The following ZNF318 variants were observed in gnomAD, a reference collection of about 807,000 sequenced individuals.
ZNF318 encodes endocrine regulator.
A neutral mutation model predicts 124.2 loss-of-function variants in ZNF318; 51 were observed. That is an observed-to-expected ratio of 0.41 (90% confidence interval 0.33 to 0.52). The LOEUF is 0.52. ZNF318 is among the 20% of genes least tolerant of loss of function. The probability of loss-of-function intolerance (pLI) is 0.23; values close to 1 mark genes in which losing one functional copy is unlikely to be tolerated. For missense variants in ZNF318, 2,815 were observed against 2,811.2 expected (o/e 1.00, Z -0.03); for synonymous variants, 1,090 against 1,040.7 (o/e 1.05, Z -0.91).
Position 43,337,568 on chromosome 6 carries a change from G to A in ZNF318, c.6430C>T (p.Gln2144Ter). 6.2e-7 allele frequency: 1 copy of A among 1,614,048 alleles called. No individual in the cohort carries two copies. The highest frequency in any genetic ancestry group is 1.1e-5 in the South Asian group (1 of 91,078). The change falls in exon 10 of 10, where the codon CAA (glutamine) becomes TAA (stop). Residue 2144 changes from glutamine (Q) to a stop codon, truncating the protein, a stop_gained. Coordinates refer to ENST00000361428, the MANE Select transcript of ZNF318 (RefSeq NM_014345.3). LOFTEE classifies it low-confidence loss of function (END_TRUNC). ...MMPEEVKESS[Q>*]LDKQESLGLE... ...CCGAGTGACTCTTGTTTGTCTAATT[G>A]GGAAGATTCTTTTACTTCCTCAGGC...
At chr6:43,349,898 A>G (rs931721504) in intron 5 of ZNF318, among the ~76,000 whole-genome samples, 13 of 151,972 alleles carry the variant, frequency 8.6e-5, no homozygotes, top group African/African-American at 3.1e-4. Flanking sequence ...ACAGTGAGCT[A>G]TGACAGCACC....
rs764837650 is a variant in ZNF318 at position 43,338,485 on chromosome 6, G to C, written c.5513C>G (p.Ser1838Cys). 4.3e-6 allele frequency: 7 copies of C among 1,614,090 alleles called. No individual in the cohort carries two copies. Among genetic ancestry groups the C allele is most frequent in the Non-Finnish European group, 5.9e-6 (7 of 1,180,010 alleles). Residue 1838 changes from serine to cysteine, a missense_variant, in exon 10 of 10, where the codon TCC (serine) becomes TGC (cysteine). By Grantham distance (112) the Ser-to-Cys change is moderately radical. Transcript: ENST00000361428. ...TTCACTTCCTGTCATCAATTTATTG[G>C]ACTGTTCAGCCTCTTTGTCAATCAT... The part of the protein sequence containing the change: ...LLMIDKEAEQ[S>C]NKLMTGSETP...
intron 2 of ZNF318, chr6:43,364,031 C>T: frequency 1.2e-6 from 1 of 803,032 alleles, no homozygotes; most frequent in Non-Finnish European, 2.1e-6. Flanking sequence ...GGCATCGTCT[C>T]AGCCCGTGCC....
chr6:43,357,849 G>A lies in ZNF318; in HGVS notation c.549-84C>T. On this transcript the variant is annotated intron_variant, in intron 2 of 9. Coordinates refer to ENST00000361428, the MANE Select transcript of ZNF318 (RefSeq NM_014345.3). ...AGGCTAAGAGACTGGTGTTTGTCAAGGGGGCTATAAAATGCTTAGGGCAAA... is the reference window on the plus strand; with the variant it reads ...AGGCTAAGAGACTGGTGTTTGTCAAAGGGGCTATAAAATGCTTAGGGCAAA... 1.5e-6 allele frequency: 2 copies of A among 1,298,172 alleles called. 1 individual carries two copies. The highest frequency in any genetic ancestry group is 2.1e-6 in the Non-Finnish European group (2 of 947,482). The allele number at this position is 1,298,172 out of a possible 1,614,324, so 80.4% of individuals were successfully genotyped here.
At position 43,340,258 on chromosome 6, in the gene ZNF318, G is replaced by C. The variant is rs1461905231; in HGVS notation, c.3740C>G (p.Ala1247Gly). The change falls in exon 10 of 10, where the codon GCT (alanine) becomes GGT (glycine). Residue 1247 changes from alanine (A) to glycine (G), a missense_variant. Physicochemically the swap from Ala to Gly is moderately conservative, Grantham distance 60. This residue lies in a region of ZNF318 where 500 missense variants were observed against 605.2 expected (regional missense o/e 0.83). Transcript: ENST00000361428. ...GATGCCAGTGTTCCTTTTATTTTCA[G>C]CTTTTTCAGGGGAGTTCCTACCCTC... The part of the protein sequence containing the change: ...LSEGRNSPEK[A>G]ENKRNTGIKL... The C allele has an allele frequency of 1.2e-6, 2 of 1,613,754 alleles. No individual in the cohort carries two copies. The highest frequency in any genetic ancestry group is 3.3e-5 in the Admixed American group (2 of 59,968).
chr6:43,361,222 CA>C (rs1184403425), intron 2 of ZNF318, among the ~76,000 whole-genome samples: 1 of 152,046 alleles, frequency 6.6e-6, no homozygotes, highest in Admixed American at 6.5e-5. Flanking sequence ...TAAAGAAAAT[CA>C]GAGGGAAAAA....
chr6:43,362,385 G>C (rs1035421136), intron 2 of ZNF318, among the ~76,000 whole-genome samples: 1 of 151,572 alleles, frequency 6.6e-6, no homozygotes, highest in Non-Finnish European at 1.5e-5. Flanking sequence ...CCTGGGAGGC[G>C]GAGGTTGCAG....
At position 43,337,844 on chromosome 6, in the gene ZNF318, T is replaced by C. The variant is rs752380402; in HGVS notation, c.6154A>G (p.Ile2052Val). The part of the protein sequence containing the change: ...KVCEENSVSP[I>V]GCNSSDPADF... The stretch of plus-strand genomic sequence containing the variant: ...GCGGGATCGGAGGAATTACACCCTA[T>C]AGGTGATACAGAATTTTCTTCACAC... The change falls in exon 10 of 10, where the codon ATA (isoleucine) becomes GTA (valine). Residue 2052 changes from isoleucine (I) to valine (V), a missense_variant. Ile to Val is a conservative substitution (Grantham distance 29). Around this residue, in one of 4 missense-constraint regions of ZNF318, gnomAD observed 927 missense variants for 820.6 expected, o/e 1.13. Transcript: ENST00000361428. 45 of 1,614,058 alleles carry C rather than the reference T, an allele frequency of 2.8e-5. No individual in the cohort carries two copies. The highest frequency in any genetic ancestry group is 3.4e-5 in the Non-Finnish European group (40 of 1,180,046).
In ZNF318 at chr6:43,369,020, C is replaced by A. The variant is rs1285484206; in HGVS notation, c.346G>T (p.Ala116Ser). Residue 116 changes from alanine to serine, a missense_variant, in exon 1 of 10, where the codon GCC becomes TCC. This residue lies in a region of ZNF318 where 1,377 missense variants were observed against 1,353.5 expected (regional missense o/e 1.02). Transcript: ENST00000361428. ...CCGCGGCCGTCCCGGGCATAGTCGG[C>A]GCGGGACTCCCCCCGGCTGCTGCCT... is the stretch of plus-strand genomic sequence containing the variant. ...FRGSSRGESRADYARDGRGDH... is the reference protein window; with the variant it reads ...FRGSSRGESRSDYARDGRGDH... 10 of 1,433,938 alleles carry A rather than the reference C, an allele frequency of 7.0e-6. No individual in the cohort carries two copies. The highest frequency in any genetic ancestry group is 9.2e-6 in the Non-Finnish European group (10 of 1,091,880). 88.8% of individuals were successfully genotyped at this position (1,433,938 alleles called of 1,614,324 possible).
Position 43,338,689 on chromosome 6 carries a change from C to T in ZNF318, c.5309G>A (p.Cys1770Tyr). ...GTTTGTCTCTATCTCACTTTCTCTA[C>T]AATCCTCAGATTTACGGAGCTCTTG... ...ESQELRKSED[C>Y]RESEIETNTE... is the part of the protein sequence containing the mutation. The change falls in exon 10 of 10, where the codon TGT (cysteine) becomes TAT (tyrosine). Residue 1770 changes from cysteine to tyrosine, a missense_variant. Transcript: ENST00000361428. 2 of 1,614,202 alleles carry T rather than the reference C, an allele frequency of 1.2e-6. No homozygotes were observed. The highest frequency in any genetic ancestry group is 1.1e-5 in the South Asian group (1 of 91,082).
intron 7 of ZNF318, among the ~76,000 whole-genome samples, chr6:43,342,443 T>G (rs1459398292): frequency 6.7e-6 from 1 of 149,358 alleles, no homozygotes; most frequent in Admixed American, 6.8e-5. Flanking sequence ...ACTCAAGGAA[T>G]CAAAAGAGGC....
At chr6:43,366,304 G>A (rs1194403359) in intron 1 of ZNF318, among the ~76,000 whole-genome samples, 2 of 152,278 alleles carry the variant, frequency 1.3e-5, no homozygotes, top group Non-Finnish European at 2.9e-5. Flanking sequence ...AAGAGGAAAA[G>A]ATAGGCAGAA....
chr6:43,356,876 A>G (rs1351061692), intron 3 of ZNF318, among the ~76,000 whole-genome samples: 2 of 152,172 alleles, frequency 1.3e-5, no homozygotes, highest in Non-Finnish European at 2.9e-5. Context: ...CAATTTAAGT[A>G]AAAAAACTTA....
At chr6:43,347,403 C>T (rs1046059302) in intron 6 of ZNF318, among the ~76,000 whole-genome samples, 5 of 152,098 alleles carry the variant, frequency 3.3e-5, no homozygotes, top group African/African-American at 1.2e-4. Flanking sequence ...TGATAAGGTG[C>T]ATGGAATCGA....
In ZNF318 at chr6:43,337,006, ATTTTT is replaced by A. The variant is rs980613235; in HGVS notation, c.*147_*151del. 1.6e-6 allele frequency: 1 copy of A among 627,632 alleles called. No homozygotes were observed. The highest frequency in any genetic ancestry group is 2.4e-6 in the Non-Finnish European group (1 of 414,998). The allele number at this position is 627,632 out of a possible 1,614,324, so 38.9% of individuals were successfully genotyped here. On this transcript the variant is annotated 3_prime_UTR_variant, in exon 10 of 10. Coordinates refer to ENST00000361428, the MANE Select transcript of ZNF318 (RefSeq NM_014345.3). ...GGAAAGGGAAAAGGAAAGGAGGTAA[ATTTTT>A]TAGCTTCCATGAACATTTACTTTAA...
rs1166865363 is a variant in ZNF318, at chr6:43,340,420, T to C, written c.3578A>G (p.Glu1193Gly). Residue 1193 changes from glutamate to glycine, a missense_variant, in exon 10 of 10, where the codon GAA becomes GGA. This residue lies in a region of ZNF318 where 500 missense variants were observed against 605.2 expected (regional missense o/e 0.83). Coordinates refer to ENST00000361428, the MANE Select transcript of ZNF318 (RefSeq NM_014345.3). ...QAGLAVVLET[E>G]RRRQSELKRK... is the part of the protein sequence containing the mutation. ...CTTTAGCTCACTCTGCCGTCGCCGT[T>C]CTGTCTCTAGGACCACAGCCAAGCC... 3 of 1,614,024 alleles carry C rather than the reference T, an allele frequency of 1.9e-6. No individual in the cohort carries two copies. The highest frequency in any genetic ancestry group is 1.7e-5 in the Admixed American group (1 of 60,002).
Position 43,340,871 on chromosome 6 carries a change from G to A in ZNF318, c.3414C>T (p.Cys1138=), listed in dbSNP as rs1008948762. ...CCCCCAAAAATTCCTCACAGAGCTG[G>A]CAATAAAATCCACTGATGGGAACCA... ...EFLVPISGFY[C]QLCEEFLGDP... is the part of the protein sequence containing the mutation. The change falls in exon 9 of 10, where the codon TGC becomes TGT. Residue 1138 remains cysteine (C), a synonymous_variant. Coordinates refer to ENST00000361428, the MANE Select transcript of ZNF318 (RefSeq NM_014345.3). 13 of 1,613,962 alleles carry A rather than the reference G, an allele frequency of 8.1e-6. No individual in the cohort carries two copies. Among genetic ancestry groups the A allele is most frequent in the African/African-American group, 4.0e-5 (3 of 74,884 alleles).
chr6:43,352,311 G>T, intron 5 of ZNF318, 66 bp downstream of exon 5: 1 of 1,072,950 alleles, frequency 9.3e-7, no homozygotes, highest in Non-Finnish European at 1.2e-6. Flanking sequence ...ACCTGTGTGA[G>T]AGTACCAAAT....
chr6:43,340,943 C>A, intron 8 of ZNF318, 35 bp from the exon 9 acceptor site: 1 of 1,474,702 alleles, frequency 6.8e-7, no homozygotes, highest in South Asian at 1.1e-5. Flanking sequence ...GGAAATAAGT[C>A]GATTCCACCC....
Sources: allele counts gnomAD v4.1 joint callset (sites outside exome capture counted in the v4.1 genomes callset), GRCh38; gene constraint gnomAD v4.1.1; regional missense constraint gnomAD v4.1.1; transcripts MANE v1.5; gene names NCBI Gene and HGNC (gene_info 2026-07-23, HGNC 2026-07-21).